IL1R1: variants seen among roughly 807,000 people sequenced by gnomAD.
The protein encoded by IL1R1 is interleukin-1 receptor type 1.
IL1R1 carries 22 observed loss-of-function variants against 50.2 expected under a neutral mutation model. The observed-to-expected ratio is 0.44, with a 90% CI of 0.31 to 0.63. IL1R1 has a LOEUF of 0.63. Ranked by LOEUF, IL1R1 falls within the 20% of genes least tolerant of loss-of-function variation. The pLI is 0.07. For synonymous variants in IL1R1, 251 were observed against 236.7 expected (o/e 1.06, Z -0.55); for missense variants, 509 against 676.2 (o/e 0.75, Z 2.74).
intron 1 of IL1R1, among the ~76,000 whole-genome samples, chr2:102,145,721 T>C (rs906458388): frequency 6.6e-6 from 1 of 152,122 alleles, no homozygotes; most frequent in African/African-American, 2.4e-5. Context: ...GGGCCGTGAA[T>C]GTGGAGGGAA....
intron 1 of IL1R1, among the ~76,000 whole-genome samples, chr2:102,078,603 A>ACACACG (rs1679080335): frequency 8.7e-6 from 1 of 115,148 alleles, no homozygotes; most frequent in Admixed American, 8.4e-5. Flanking sequence ...CACACACAAG[A>ACACACG]AAAAAAAAAG....
chr2:102,078,487 A>G (rs1679069841), intron 1 of IL1R1, among the ~76,000 whole-genome samples: 1 of 151,736 alleles, frequency 6.6e-6, no homozygotes, highest in African/African-American at 2.4e-5. Context: ...CACAACTGAA[A>G]CTGGATCAAG....
In IL1R1 at chr2:102,168,508, A is replaced by C. The variant is rs564711746; in HGVS notation, c.656-90A>C. ...ACACTTGATGGAATATCTGGCCAGA[A>C]GTCATTTAGTATGTTTTGCTAAGTG... On this transcript the variant is annotated intron_variant, in intron 6 of 11. Coordinates refer to ENST00000410023, the MANE Select transcript of IL1R1 (RefSeq NM_000877.4). The C allele has an allele frequency of 5.3e-5, 52 of 981,320 alleles. 2 individuals are homozygous for C. In the South Asian group the frequency reaches 6.6e-4, roughly 13 times the overall value. The allele number at this position is 981,320 out of a possible 1,614,324, so 60.8% of individuals were successfully genotyped here.
At chr2:102,164,656 T>G in intron 3 of IL1R1, 118 bp from the exon 4 acceptor site, 1 of 688,184 alleles carries the variant, frequency 1.5e-6, no homozygotes, top group Non-Finnish European at 2.5e-6. Flanking sequence ...GCTGTAAAGC[T>G]TTTATATGTA....
intron 1 of IL1R1, among the ~76,000 whole-genome samples, chr2:102,129,805 G>A (rs751783375): frequency 2.0e-5 from 3 of 151,990 alleles, no homozygotes; most frequent in South Asian, 2.1e-4. Flanking sequence ...TTGAACTTTC[G>A]GTCTAAAGAC....
chr2:102,176,734 G>C lies in IL1R1; in HGVS notation c.1685G>C (p.Arg562Thr). 1 of 1,614,076 alleles carries C rather than the reference G, an allele frequency of 6.2e-7. No homozygotes were observed. The highest frequency in any genetic ancestry group is 8.5e-7 in the Non-Finnish European group (1 of 1,179,930). ...CCAGCCACTAAGGAGAAACTGCAAA[G>C]AGAGGCTCACGTGCCTCTCGGGTAG... The part of the protein sequence containing the change: ...LSPATKEKLQ[R>T]EAHVPLG Residue 562 changes from arginine (R) to threonine (T), a missense_variant, in exon 12 of 12, where the codon AGA becomes ACA. Transcript: ENST00000410023.
At chr2:102,127,389 A>C (rs1681773872) in intron 1 of IL1R1, among the ~76,000 whole-genome samples, 1 of 152,204 alleles carries the variant, frequency 6.6e-6, no homozygotes, top group Non-Finnish European at 1.5e-5. Context: ...AAGTGCAAGA[A>C]CCTTTAATGG....
chr2:102,172,284 C>T, intron 8 of IL1R1: 1 of 985,288 alleles, frequency 1.0e-6, no homozygotes, highest in Non-Finnish European at 1.2e-6. Context: ...AAAGCCTCTA[C>T]TGGTTTCCTA....
At chr2:102,113,470 A>G (rs921046783) in intron 1 of IL1R1, among the ~76,000 whole-genome samples, 1 of 152,224 alleles carries the variant, frequency 6.6e-6, no homozygotes, top group Non-Finnish European at 1.5e-5. Flanking sequence ...AACATATTCC[A>G]ACATGGGTCA....
upstream of IL1R1, among the ~76,000 whole-genome samples, chr2:102,100,011 G>C (rs1680071488): frequency 1.3e-5 from 2 of 152,204 alleles, no homozygotes; most frequent in African/African-American, 4.8e-5. Context: ...CCCTTCTGCT[G>C]TAGAAACCTG....
chr2:102,140,994 A>C (rs1026615834), upstream of IL1R1, among the ~76,000 whole-genome samples: 3 of 152,222 alleles, frequency 2.0e-5, no homozygotes, highest in Admixed American at 2.0e-4. Flanking sequence ...TTATTTCTAC[A>C]TGGTTGCACA....
intron 1 of IL1R1, among the ~76,000 whole-genome samples, chr2:102,152,588 C>T (rs1472389933): frequency 6.9e-6 from 1 of 145,026 alleles, no homozygotes; most frequent in Non-Finnish European, 1.5e-5. Flanking sequence ...TCCTGGGCCT[C>T]CCAAATAAAT....
At chr2:102,162,664 A>C (rs768994198) in intron 3 of IL1R1, among the ~76,000 whole-genome samples, 3 of 152,062 alleles carry the variant, frequency 2.0e-5, no homozygotes, top group Admixed American at 6.5e-5. Context: ...TTTCACATAT[A>C]GTATACAAAG....
chr2:102,078,293 A>G (rs1439579848), intron 1 of IL1R1, among the ~76,000 whole-genome samples: 1 of 152,118 alleles, frequency 6.6e-6, no homozygotes. Context: ...CTCTGAAAAG[A>G]TAAACAAAAC....
upstream of IL1R1, among the ~76,000 whole-genome samples, chr2:102,139,956 G>A (rs1015713334): frequency 6.6e-6 from 1 of 152,192 alleles, no homozygotes; most frequent in Non-Finnish European, 1.5e-5. Context: ...GTGCTGAAGA[G>A]TGGAAGCTCT....
At chr2:102,148,904 C>A (rs148052508) in intron 1 of IL1R1, among the ~76,000 whole-genome samples, 1 of 152,112 alleles carries the variant, frequency 6.6e-6, no homozygotes, top group Non-Finnish European at 1.5e-5. Context: ...GTAATCACAC[C>A]ACTGCACTGC....
intron 1 of IL1R1, among the ~76,000 whole-genome samples, chr2:102,073,921 T>G (rs138489462): frequency 2.6e-4 from 39 of 152,276 alleles, no homozygotes; most frequent in Non-Finnish European, 4.3e-4. Context: ...CCCTCTTTTA[T>G]GATGAGAGGA....
chr2:102,106,167 A>G (rs1198969746), intron 1 of IL1R1, among the ~76,000 whole-genome samples: 3 of 152,104 alleles, frequency 2.0e-5, no homozygotes, highest in Non-Finnish European at 4.4e-5. Flanking sequence ...AAATACAGCT[A>G]AGGACCAACT....
chr2:102,121,420 T>G (rs1373320530), intron 1 of IL1R1, among the ~76,000 whole-genome samples: 8 of 152,228 alleles, frequency 5.3e-5, no homozygotes, highest in Admixed American at 3.3e-4. Context: ...GGAAAGAGAC[T>G]GCCATTTCCA....
Sources: allele counts gnomAD v4.1 joint callset (sites outside exome capture counted in the v4.1 genomes callset), GRCh38; gene constraint gnomAD v4.1.1; transcripts MANE v1.5; gene names NCBI Gene and HGNC (gene_info 2026-07-23, HGNC 2026-07-21).